KLHL22: variants seen among roughly 807,000 people sequenced by gnomAD.
The protein encoded by KLHL22 is kelch like family member 22.
In KLHL22, 18 loss-of-function variants were observed where a neutral mutation model predicts 60.7. The ratio of observed to expected loss-of-function variants is 0.30; its 90% CI spans 0.20 to 0.44. The LOEUF is 0.44. Among genes scored for constraint, KLHL22 ranks in the 20% least tolerant of loss-of-function variants. KLHL22 has a pLI of 1.00. For synonymous variants in KLHL22, 355 were observed against 354.5 expected, an observed-to-expected ratio of 1.00 and a Z score of -0.01; for missense variants, 596 against 852.3, an observed-to-expected ratio of 0.70 and a Z score of 3.74.
At chr22:20,450,369 T>C in intron 5 of KLHL22, 4 of 1,413,772 alleles carry the variant, frequency 2.8e-6, no homozygotes, top group Non-Finnish European at 4.0e-6. Context: ...GCCTCTACCA[T>C]GGAAATTTTA....
intron 2 of KLHL22, chr22:20,483,734 CTCTGA>C: frequency 1.4e-6 from 1 of 736,626 alleles, no homozygotes; most frequent in East Asian, 2.5e-5. Flanking sequence ...TGCCTCCAGT[CTCTGA>C]TCTGGGTCCC....
intron 5 of KLHL22, chr22:20,450,620 A>G: frequency 6.3e-7 from 1 of 1,593,886 alleles, no homozygotes; most frequent in Non-Finnish European, 8.6e-7. Context: ...GTGGTACAGC[A>G]TGAAGAGTTC....
chr22:20,474,081 C>T (rs937627388), intron 2 of KLHL22, among the ~76,000 whole-genome samples: 6 of 152,104 alleles, frequency 3.9e-5, no homozygotes, highest in African/African-American at 1.4e-4. Flanking sequence ...CTCAGTGCAA[C>T]CTCCGCCTCC....
Position 20,442,302 on chromosome 22 carries a change from C to T in KLHL22, c.1676G>A (p.Arg559His), listed in dbSNP as rs758290191. 3.1e-6 allele frequency: 5 copies of T among 1,613,898 alleles called. No homozygotes were observed. The highest frequency in any genetic ancestry group is 2.2e-5 in the East Asian group (1 of 44,878). The change falls in exon 7 of 7, where the codon CGC becomes CAC. Residue 559 changes from arginine (R) to histidine (H), a missense_variant. Coordinates refer to ENST00000328879, the MANE Select transcript of KLHL22 (RefSeq NM_032775.4). ...LGGRSHNRGSRTGYVHIYDVE... is the reference protein window; with the variant it reads ...LGGRSHNRGSHTGYVHIYDVE... ...ATCGTAAATGTGCACGTAGCCTGTGCGGCTGCCGCGGTTGTGTGAGCGGCC... is the reference window on the plus strand; with the variant it reads ...ATCGTAAATGTGCACGTAGCCTGTGTGGCTGCCGCGGTTGTGTGAGCGGCC...
intron 3 of KLHL22, among the ~76,000 whole-genome samples, chr22:20,467,448 G>A (rs186413430): frequency 6.6e-6 from 1 of 152,138 alleles, no homozygotes; most frequent in South Asian, 2.1e-4. Flanking sequence ...AGATCACCCT[G>A]GTGTTTGATG....
At chr22:20,457,719 C>A (rs1601337449) in intron 5 of KLHL22, 89 bp downstream of exon 5, 2 of 979,842 alleles carry the variant, frequency 2.0e-6, no homozygotes, top group East Asian at 5.2e-5. Flanking sequence ...TGACCTGGGA[C>A]AGGCCTTGAC....
intron 2 of KLHL22, chr22:20,482,863 A>T: frequency 8.0e-7 from 1 of 1,242,544 alleles, no homozygotes; most frequent in Non-Finnish European, 1.2e-6. Flanking sequence ...CCACTTTGCC[A>T]TCCATTATCT....
intron 2 of KLHL22, among the ~76,000 whole-genome samples, chr22:20,485,294 G>A (rs1213995584): frequency 6.6e-6 from 1 of 152,194 alleles, no homozygotes; most frequent in South Asian, 2.1e-4. Flanking sequence ...CATACAAGGT[G>A]GGTGTAGGGT....
chr22:20,455,174 C>T (rs1020603648), intron 5 of KLHL22, among the ~76,000 whole-genome samples: 1 of 152,178 alleles, frequency 6.6e-6, no homozygotes, highest in Non-Finnish European at 1.5e-5. Flanking sequence ...TGAGCCACCG[C>T]GCCCTGCCAA....
At chr22:20,449,113 T>G (rs1226453485) in intron 5 of KLHL22, among the ~76,000 whole-genome samples, 2 of 152,064 alleles carry the variant, frequency 1.3e-5, no homozygotes, top group Non-Finnish European at 2.9e-5. Flanking sequence ...CAGGCTGGAG[T>G]GCAGTGGCAC....
At chr22:20,483,783 A>C in intron 2 of KLHL22, 1 of 742,918 alleles carries the variant, frequency 1.3e-6, no homozygotes, top group Non-Finnish European at 2.5e-6. Flanking sequence ...TTTGCTCTCC[A>C]GCTTCCGGTT....
chr22:20,447,254 T>C (rs966211761), intron 5 of KLHL22, among the ~76,000 whole-genome samples: 89 of 152,202 alleles, frequency 5.8e-4, no homozygotes, highest in African/African-American at 2.1e-3. Context: ...GCCCCCATCA[T>C]GGGCACCTCT....
chr22:20,484,035 T>G (rs1001432407), intron 2 of KLHL22: 1 of 809,142 alleles, frequency 1.2e-6, no homozygotes, highest in African/African-American at 1.7e-5. Context: ...CCAGGCGCCA[T>G]AGCTGGGAGC....
chr22:20,442,194 C>G lies in KLHL22; in HGVS notation c.1784G>C (p.Arg595Pro). 6.3e-7 allele frequency: 1 copy of G among 1,585,562 alleles called. No homozygotes were observed. The highest frequency in any genetic ancestry group is 1.2e-5 in the South Asian group (1 of 86,800). Residue 595 changes from arginine (R) to proline (P), a missense_variant, in exon 7 of 7, where the codon CGC (arginine) becomes CCC (proline). Physicochemically the swap from Arg to Pro is moderately radical, Grantham distance 103. Transcript: ENST00000328879. The stretch of plus-strand genomic sequence containing the variant: ...GCGGGGCGGCTCAAGGAGCAGGGAG[C>G]GGGGCAGGGTGAGCACACAGGCCGC... Reference protein sequence around the residue: ...GLAACVLTLPRSLLLEPPRGT... With the variant: ...GLAACVLTLPPSLLLEPPRGT...
At chr22:20,458,447 T>TTTTC (rs2053101457) in intron 4 of KLHL22, among the ~76,000 whole-genome samples, 1 of 134,190 alleles carries the variant, frequency 7.5e-6, no homozygotes. Flanking sequence ...CGCCCGCTAT[T>TTTTC]TTTTTTTTTT....
At chr22:20,472,947 A>G (rs2053351863) in intron 2 of KLHL22, among the ~76,000 whole-genome samples, 1 of 152,172 alleles carries the variant, frequency 6.6e-6, no homozygotes, top group Non-Finnish European at 1.5e-5. Flanking sequence ...GGGGCAAGGC[A>G]GAGCTTGGCA....
intron 2 of KLHL22, among the ~76,000 whole-genome samples, chr22:20,472,980 C>T (rs1163470096): frequency 2.0e-5 from 3 of 152,096 alleles, no homozygotes; most frequent in South Asian, 4.1e-4. Flanking sequence ...AAGATGATGA[C>T]GAAGTGAGCA....
chr22:20,466,372 TAAAAAA>T (rs361874), intron 3 of KLHL22, among the ~76,000 whole-genome samples: 1 of 70,618 alleles, frequency 1.4e-5, no homozygotes, highest in Non-Finnish European at 2.6e-5. Flanking sequence ...AGACTCCGTC[TAAAAAA>T]AAAAAAAAAA....
At chr22:20,446,354 A>C (rs994749119) in intron 6 of KLHL22, 89 bp downstream of exon 6, 6 of 814,080 alleles carry the variant, frequency 7.4e-6, no homozygotes, top group Non-Finnish European at 1.2e-5. Flanking sequence ...TATTTTTAAA[A>C]GGCACATGAT....
Sources: allele counts gnomAD v4.1 joint callset (sites outside exome capture counted in the v4.1 genomes callset), GRCh38; gene constraint gnomAD v4.1.1; transcripts MANE v1.5; gene names NCBI Gene and HGNC (gene_info 2026-07-23, HGNC 2026-07-21).